Variants in CACNA2D3 observed in about 807,000 individuals in gnomAD.
CACNA2D3 encodes calcium voltage-gated channel auxiliary subunit alpha2delta 3.
In CACNA2D3, 60 loss-of-function variants were observed where a neutral mutation model predicts 160.6. The ratio of observed to expected loss-of-function variants is 0.37; its 90% CI spans 0.30 to 0.46. The LOEUF (loss-of-function observed/expected upper bound fraction) is 0.46. CACNA2D3 is among the 20% of genes least tolerant of loss of function. The pLI, the probability that CACNA2D3 is intolerant of heterozygous loss-of-function variation, is 1.00. For synonymous variants in CACNA2D3, 558 were observed against 492.9 expected (o/e 1.13, Z -1.75); for missense variants, 1,205 against 1,365.0 (o/e 0.88, Z 1.85).
chr3:54,463,321 T>C lies in CACNA2D3; in HGVS notation c.382-40171T>C, dbSNP rs374593794. ...GTATTTCCTGAATCTGAATGTTGGCTTGCCTTGCTAGATTGGGGAAGTTCT... is the reference window on the plus strand; with the variant it reads ...GTATTTCCTGAATCTGAATGTTGGCCTGCCTTGCTAGATTGGGGAAGTTCT... On this transcript the variant is annotated intron_variant, in intron 4 of 37. Coordinates refer to ENST00000474759, the MANE Select transcript of CACNA2D3 (RefSeq NM_018398.3). Among the ~76,000 whole-genome samples, 108 of 152,300 alleles carry C rather than the reference T, an allele frequency of 7.1e-4. 4 individuals are homozygous for C. In the East Asian group the frequency reaches 0.02, roughly 28 times the overall value.
At chr3:54,165,052 C>G (rs1187909558) in intron 2 of CACNA2D3, among the ~76,000 whole-genome samples, 1 of 151,942 alleles carries the variant, frequency 6.6e-6, no homozygotes, top group Non-Finnish European at 1.5e-5. Flanking sequence ...GGTTTTAGCC[C>G]CAGCTCTGCC....
intron 4 of CACNA2D3, among the ~76,000 whole-genome samples, chr3:54,417,267 T>A (rs1050922691): frequency 6.6e-6 from 1 of 152,182 alleles, no homozygotes; most frequent in Non-Finnish European, 1.5e-5. Context: ...GCACAAACAA[T>A]TGGGAACACA....
intron 11 of CACNA2D3, among the ~76,000 whole-genome samples, chr3:54,687,143 TTTTTTTTG>T (rs1700476711): frequency 1.7e-4 from 12 of 70,574 alleles, no homozygotes; most frequent in Middle Eastern, 5.7e-3. Flanking sequence ...TTGTTTTTTT[TTTTTTTTG>T]TTTTTTTGAC....
At chr3:54,918,351 T>TG in intron 27 of CACNA2D3, 3 of 434,984 alleles carry the variant, frequency 6.9e-6, no homozygotes, top group South Asian at 6.1e-5. Flanking sequence ...TTTTTTTTTT[T>TG]TTTTGTCTTT....
intron 2 of CACNA2D3, among the ~76,000 whole-genome samples, chr3:54,161,143 C>T (rs1406807621): frequency 2.0e-5 from 3 of 152,126 alleles, no homozygotes; most frequent in African/African-American, 2.4e-5. Flanking sequence ...CCTTCACACA[C>T]GTAAAAGCGG....
rs144243986 is a variant in CACNA2D3, at chr3:54,605,239, C to T, written c.964-22548C>T. Among the ~76,000 whole-genome samples, 369 of 152,310 alleles carry T rather than the reference C, an allele frequency of 2.4e-3. 1 individual carries two copies. Among genetic ancestry groups the T allele is most frequent in the African/African-American group, 8.4e-3 (350 of 41,554 alleles). On this transcript the variant is annotated intron_variant, in intron 9 of 37. Coordinates refer to ENST00000474759, the MANE Select transcript of CACNA2D3 (RefSeq NM_018398.3). ...ATCTTAAGGCAGCTAATTACATCTGCAGCAACCCTTCTAGGACTGAGGATT... is the reference window on the plus strand; with the variant it reads ...ATCTTAAGGCAGCTAATTACATCTGTAGCAACCCTTCTAGGACTGAGGATT...
intron 11 of CACNA2D3, among the ~76,000 whole-genome samples, chr3:54,741,601 TA>T (rs59474469): frequency 0.64 from 94,861 of 148,062 alleles, 31,429 homozygotes; most frequent in Admixed American, 0.76. Context: ...ATAAGAAAAA[TA>T]AAAAAAAAAA....
intron 28 of CACNA2D3, among the ~76,000 whole-genome samples, chr3:54,968,734 T>G (rs999251017): frequency 3.3e-5 from 5 of 152,148 alleles, no homozygotes; most frequent in Non-Finnish European, 7.3e-5. Flanking sequence ...AGGAACAGTT[T>G]TAATTGTGGG....
intron 2 of CACNA2D3, among the ~76,000 whole-genome samples, chr3:54,186,000 A>G (rs942731975): frequency 6.6e-6 from 1 of 152,140 alleles, no homozygotes; most frequent in Admixed American, 6.5e-5. Context: ...ATCCTCCCCC[A>G]GATCTCTATT....
At chr3:54,334,700 G>C (rs1239461255) in intron 3 of CACNA2D3, among the ~76,000 whole-genome samples, 1 of 152,194 alleles carries the variant, frequency 6.6e-6, no homozygotes, top group Non-Finnish European at 1.5e-5. Flanking sequence ...GCAATCACAC[G>C]AGTGACCTCA....
chr3:54,866,633 T>C (rs561404410), intron 17 of CACNA2D3, among the ~76,000 whole-genome samples: 1 of 152,374 alleles, frequency 6.6e-6, no homozygotes, highest in East Asian at 1.9e-4. Context: ...TGATTTCCTC[T>C]GGCCTTTCCC....
At chr3:54,736,057 G>GTATGTATATATACATACATATATA (rs1559563616) in intron 11 of CACNA2D3, among the ~76,000 whole-genome samples, 19 of 42,836 alleles carry the variant, frequency 4.4e-4, no homozygotes, top group Non-Finnish European at 7.4e-4. Flanking sequence ...ACATACATAT[G>GTATGTATATATACATACATATATA]TATGTATATA....
At position 55,057,262 on chromosome 3, in the gene CACNA2D3, A is replaced by G. The variant is rs181902174; in HGVS notation, c.2988-16183A>G. ...CTTTATAAATTATCCAGTCTCAGGTATGTCTTTATTAGCAGCATGAGAATA... is the reference window on the plus strand; with the variant it reads ...CTTTATAAATTATCCAGTCTCAGGTGTGTCTTTATTAGCAGCATGAGAATA... On this transcript the variant is annotated intron_variant, in intron 35 of 37. Transcript: ENST00000474759. 2.8e-4 allele frequency among the ~76,000 whole-genome samples: 43 copies of G among 152,338 alleles called. No homozygotes were observed. The East Asian group carries it at 8.1e-3, about 29-fold the overall frequency.
intron 11 of CACNA2D3, among the ~76,000 whole-genome samples, chr3:54,726,402 A>G (rs892407709): frequency 4.6e-5 from 7 of 152,188 alleles, no homozygotes; most frequent in African/African-American, 2.4e-5. Context: ...ACAGAATTGG[A>G]AAAAACTACT....
At chr3:55,067,922 G>A (rs1048531500) in intron 35 of CACNA2D3, among the ~76,000 whole-genome samples, 3 of 152,156 alleles carry the variant, frequency 2.0e-5, no homozygotes, top group African/African-American at 7.2e-5. Context: ...TTCATTTAAA[G>A]CATATGGCTA....
Position 54,995,310 on chromosome 3 carries a change from ATTAG to A in CACNA2D3, c.2690+7562_2690+7565del, listed in dbSNP as rs1290858324. 5.3e-5 allele frequency among the ~76,000 whole-genome samples: 8 copies of A among 152,188 alleles called. 1 individual carries two copies. Among genetic ancestry groups the A allele is most frequent in the Admixed American group, 3.3e-4 (5 of 15,278 alleles). On this transcript the variant is annotated intron_variant, in intron 31 of 37. Transcript: ENST00000474759. ...TTTAATCAAACTTAGAGTCCAATGT[ATTAG>A]TTAGAATTGGTCCAGCCACAAATAA... is the stretch of plus-strand genomic sequence containing the variant.
intron 27 of CACNA2D3, among the ~76,000 whole-genome samples, chr3:54,944,397 T>C (rs577079219): frequency 1.7e-4 from 17 of 100,672 alleles, no homozygotes; most frequent in Non-Finnish European, 3.3e-4. Context: ...TTTCCCAGGG[T>C]ATTTATTTAT....
chr3:54,224,619 TATATGA>T (rs1701636538), intron 2 of CACNA2D3, among the ~76,000 whole-genome samples: 1 of 152,240 alleles, frequency 6.6e-6, no homozygotes, highest in South Asian at 2.1e-4. Context: ...GGCATGACTG[TATATGA>T]ATATTTCAAG....
At chr3:54,319,104 C>T (rs1443952199) in intron 2 of CACNA2D3, among the ~76,000 whole-genome samples, 4 of 149,096 alleles carry the variant, frequency 2.7e-5, no homozygotes, top group African/African-American at 4.9e-5. Context: ...AGTATTACTG[C>T]GTCAAAAGAC....
Sources: allele counts gnomAD v4.1 joint callset (sites outside exome capture counted in the v4.1 genomes callset), GRCh38; gene constraint gnomAD v4.1.1; transcripts MANE v1.5; gene names NCBI Gene and HGNC (gene_info 2026-07-23, HGNC 2026-07-21).